Variants in PDGFD observed in about 807,000 individuals in gnomAD.
PDGFD encodes platelet derived growth factor D, also known as platelet-derived growth factor D.
In PDGFD, 30 loss-of-function variants were observed where a neutral mutation model predicts 44.7. The ratio of observed to expected loss-of-function variants is 0.67; its 90% CI spans 0.50 to 0.91. PDGFD has a LOEUF of 0.91. PDGFD is among the 40% of genes least tolerant of loss of function. The pLI, the probability that PDGFD is intolerant of heterozygous loss-of-function variation, is 0.00. For missense variants in PDGFD, 445 were observed against 457.8 expected (o/e 0.97, Z 0.25); for synonymous variants, 173 against 168.4 (o/e 1.03, Z -0.21).
intron 3 of PDGFD, among the ~76,000 whole-genome samples, chr11:103,949,238 G>A (rs1858709977): frequency 6.6e-6 from 1 of 151,926 alleles, no homozygotes; most frequent in Non-Finnish European, 1.5e-5. Context: ...ATTGACCTCA[G>A]GTGATCTACC....
chr11:104,144,376 C>G (rs186774418), intron 1 of PDGFD, among the ~76,000 whole-genome samples: 249 of 151,798 alleles, frequency 1.6e-3, no homozygotes, highest in African/African-American at 5.5e-3. Flanking sequence ...CACGGTGGCA[C>G]ACGCCTGTAA....
rs149069442 is a variant in PDGFD at position 104,091,171 on chromosome 11, G to A, written c.124+72633C>T. Among the ~76,000 whole-genome samples the A allele has an allele frequency of 3.7e-3, 564 of 152,206 alleles. 15 individuals carry two copies. The highest frequency in any genetic ancestry group is 0.026 in the Admixed American group (393 of 15,282). ...GCTAAAACCATGCTTGCTTACATGC[G>A]TATAGGCATACTATAGAAATAGTTT... On this transcript the variant is annotated intron_variant, in intron 1 of 6. Transcript: ENST00000393158.
intron 3 of PDGFD, among the ~76,000 whole-genome samples, chr11:103,955,281 C>T (rs563821382): frequency 6.7e-6 from 1 of 149,242 alleles, no homozygotes; most frequent in East Asian, 2.1e-4. Flanking sequence ...ACACTCTGCT[C>T]TGTTCATGAC....
At chr11:103,940,343 G>T (rs749698678) in intron 5 of PDGFD, among the ~76,000 whole-genome samples, 2 of 151,924 alleles carry the variant, frequency 1.3e-5, no homozygotes, top group Non-Finnish European at 2.9e-5. Flanking sequence ...CCTGCTCTTT[G>T]CAATCATGAA....
At chr11:104,110,505 CAA>C (rs113095443) in intron 1 of PDGFD, among the ~76,000 whole-genome samples, 2 of 137,148 alleles carry the variant, frequency 1.5e-5, no homozygotes, top group African/African-American at 5.3e-5. Flanking sequence ...GCTTTCTCCT[CAA>C]AAAAAAAAAC....
intron 1 of PDGFD, among the ~76,000 whole-genome samples, chr11:104,053,182 G>A (rs146864781): frequency 6.6e-6 from 1 of 152,024 alleles, no homozygotes; most frequent in Non-Finnish European, 1.5e-5. Context: ...TGATACCTTG[G>A]GGGAGGGGAA....
chr11:104,079,493 T>G (rs1861013459), intron 1 of PDGFD, among the ~76,000 whole-genome samples: 1 of 152,170 alleles, frequency 6.6e-6, no homozygotes, highest in Admixed American at 6.5e-5. Flanking sequence ...GTTCAAGTGA[T>G]TCTCCTGCCT....
chr11:104,109,773 TA>T (rs1190209524), intron 1 of PDGFD, among the ~76,000 whole-genome samples: 22 of 149,198 alleles, frequency 1.5e-4, no homozygotes, highest in South Asian at 2.1e-4. Context: ...ATCATTAAGT[TA>T]AAAAAAAAAG....
chr11:103,947,618 T>G (rs1248277130), intron 4 of PDGFD, 44 bp downstream of exon 4: 1 of 1,507,856 alleles, frequency 6.6e-7, no homozygotes, highest in Non-Finnish European at 9.2e-7. Flanking sequence ...CCTTAGCTGT[T>G]CCATCCGTTT....
At chr11:103,934,196 T>C (rs1858451934) in intron 5 of PDGFD, among the ~76,000 whole-genome samples, 1 of 152,220 alleles carries the variant, frequency 6.6e-6, no homozygotes, top group Non-Finnish European at 1.5e-5. Flanking sequence ...GGAATCACAG[T>C]AGCTCCTGCC....
rs550986360 is a variant in PDGFD at position 104,151,054 on chromosome 11, A to G, written c.124+12750T>C. Among the ~76,000 whole-genome samples, 265 of 152,280 alleles carry G rather than the reference A, an allele frequency of 1.7e-3. 3 individuals carry two copies. The highest frequency in any genetic ancestry group is 6.1e-3 in the African/African-American group (254 of 41,556). Reference sequence around the variant, plus strand: ...ATTAAAGTTGGATGAATACATCCCAATTTTTATATGTGCAGCAATGATGTA... The same window carrying G: ...ATTAAAGTTGGATGAATACATCCCAGTTTTTATATGTGCAGCAATGATGTA... On this transcript the variant is annotated intron_variant, in intron 1 of 6. Coordinates refer to ENST00000393158, the MANE Select transcript of PDGFD (RefSeq NM_025208.5).
At chr11:104,025,062 A>G (rs1860022455) in intron 1 of PDGFD, among the ~76,000 whole-genome samples, 1 of 152,358 alleles carries the variant, frequency 6.6e-6, no homozygotes, top group South Asian at 2.1e-4. Flanking sequence ...CAGAACTAAA[A>G]GTGTCAAAGT....
chr11:103,926,138 G>A (rs1858311949), intron 6 of PDGFD, among the ~76,000 whole-genome samples: 1 of 152,146 alleles, frequency 6.6e-6, no homozygotes, highest in Admixed American at 6.5e-5. Context: ...TTACTGACCA[G>A]GCCATGCTGG....
chr11:104,056,993 T>C (rs1591142412), intron 1 of PDGFD, among the ~76,000 whole-genome samples: 1 of 151,988 alleles, frequency 6.6e-6, no homozygotes, highest in Non-Finnish European at 1.5e-5. Context: ...CCAGGCATAG[T>C]GGTGCATGCC....
chr11:104,158,014 T>C (rs2119926579), intron 1 of PDGFD, among the ~76,000 whole-genome samples: 1 of 152,358 alleles, frequency 6.6e-6, no homozygotes, highest in African/African-American at 2.4e-5. Flanking sequence ...GCCTTACATT[T>C]ACAGGCAAAG....
chr11:103,976,119 T>C (rs1242341281), intron 3 of PDGFD, among the ~76,000 whole-genome samples: 1 of 152,224 alleles, frequency 6.6e-6, no homozygotes, highest in East Asian at 1.9e-4. Context: ...TGACTCTTCC[T>C]ATCCATGAAT....
At chr11:104,141,583 T>C (rs1862086453) in intron 1 of PDGFD, among the ~76,000 whole-genome samples, 1 of 151,534 alleles carries the variant, frequency 6.6e-6, no homozygotes, top group Non-Finnish European at 1.5e-5. Context: ...CACAGGCACA[T>C]GCCACTGCAC....
At chr11:103,926,845 G>A in intron 6 of PDGFD, 67 bp downstream of exon 6, 1 of 1,473,298 alleles carries the variant, frequency 6.8e-7, no homozygotes, top group South Asian at 1.2e-5. Context: ...ACAACTGTAT[G>A]CAATGGCCCT....
Position 104,099,195 on chromosome 11 carries a change from C to T in PDGFD, c.124+64609G>A, listed in dbSNP as rs554954633. Among the ~76,000 whole-genome samples the T allele has an allele frequency of 2.0e-5, 3 of 152,222 alleles. No homozygotes were observed. The East Asian group carries it at 5.8e-4, about 29-fold the overall frequency. On this transcript the variant is annotated intron_variant, in intron 1 of 6. Transcript: ENST00000393158. ...GAGCCAAAATTTGAATCCAGGCAGT[C>T]TTGACAGTAGGAAGGACCAGCATTG...
Sources: gnomAD v4.1 joint callset for allele counts (sites outside exome capture counted in the v4.1 genomes callset) on GRCh38, gnomAD v4.1.1 for gene constraint, MANE v1.5 for transcripts, NCBI Gene and HGNC (gene_info 2026-07-23, HGNC 2026-07-21) for gene names.